The following FAM240B variants were observed in gnomAD, a reference collection of about 807,000 sequenced individuals.
FAM240B encodes family with sequence similarity 240 member B.
intron 1 of FAM240B, among the ~76,000 whole-genome samples, chr9:38,718,361 G>T (rs1262235247): frequency 6.6e-6 from 1 of 152,146 alleles, no homozygotes. Context: ...CTGCTGTCAC[G>T]GAAGTGTTGG....
rs148338852 is a variant in FAM240B at position 38,704,951 on chromosome 9, C to G, written c.-3-949G>C. Among the ~76,000 whole-genome samples, 488 of 152,352 alleles carry G rather than the reference C, an allele frequency of 3.2e-3. 6 individuals carry two copies. Among genetic ancestry groups the G allele is most frequent in the African/African-American group, 0.011 (457 of 41,588 alleles). ...CTTCTTTGCTCACACGAAGTGCCCA[C>G]TGCATTTGGAAATGGGTATGTCCGG... On this transcript the variant is annotated intron_variant, in intron 1 of 2. Coordinates refer to ENST00000637493, the MANE Select transcript of FAM240B (RefSeq NM_001394922.1).
At chr9:38,697,561 A>G (rs754267857) in intron 2 of FAM240B, among the ~76,000 whole-genome samples, 8 of 152,188 alleles carry the variant, frequency 5.3e-5, no homozygotes, top group Non-Finnish European at 1.2e-4. Flanking sequence ...ACCAATTATT[A>G]ACTTTTCAGG....
rs1011049891 is a variant in FAM240B at position 38,700,965 on chromosome 9, C to T, written c.143+2892G>A. ...CTGGAACAACATCTTGCCAGATTAG[C>T]CCAGCAGAGGGAGAGGAACGTAAGA... On this transcript the variant is annotated intron_variant, in intron 2 of 2. Coordinates refer to ENST00000637493, the MANE Select transcript of FAM240B (RefSeq NM_001394922.1). Among the ~76,000 whole-genome samples the T allele has an allele frequency of 6.4e-4, 98 of 152,326 alleles. 1 individual carries two copies. The highest frequency in any genetic ancestry group is 2.3e-3 in the African/African-American group (94 of 41,572).
chr9:38,702,017 T>C (rs1299682224), intron 2 of FAM240B, among the ~76,000 whole-genome samples: 1 of 152,102 alleles, frequency 6.6e-6, no homozygotes, highest in African/African-American at 2.4e-5. Context: ...TATATAAAAG[T>C]TTTACTATCT....
intron 1 of FAM240B, among the ~76,000 whole-genome samples, chr9:38,707,751 G>A (rs563558693): frequency 1.7e-4 from 25 of 146,148 alleles, no homozygotes; most frequent in East Asian, 8.1e-4. Context: ...CTGAGGCAGC[G>A]CCACTGCACT....
chr9:38,696,772 C>T (rs552380826), intron 2 of FAM240B, among the ~76,000 whole-genome samples: 3 of 152,256 alleles, frequency 2.0e-5, no homozygotes, highest in South Asian at 2.1e-4. Flanking sequence ...CGAGATCGCA[C>T]CACTGCACTC....
chr9:38,707,615 AAAAAAAAAAAC>A (rs1395321054), intron 1 of FAM240B, among the ~76,000 whole-genome samples: 10 of 121,992 alleles, frequency 8.2e-5, no homozygotes, highest in South Asian at 2.3e-4. Flanking sequence ...AAAAAAAACA[AAAAAAAAAAAC>A]AAAAAAAAAA....
In FAM240B at chr9:38,703,880, A is replaced by G; in HGVS notation, c.120T>C (p.Arg40=). The change falls in exon 2 of 3, where the codon CGT becomes CGC. Residue 40 remains arginine (R), a synonymous_variant. Transcript: ENST00000637493. ...ACTTTTTCAGGGCGCTTCTTTCTTG[A>G]CGATCTTCCTCCAGTTCTCGGTAAA... ...QTFYRELEED[R]QERSALKKLR... is the part of the protein sequence containing the mutation. 2 of 400,406 alleles carry G rather than the reference A, an allele frequency of 5.0e-6. No individual in the cohort carries two copies. Among genetic ancestry groups the G allele is most frequent in the Non-Finnish European group, 8.8e-6 (2 of 226,076 alleles). The allele number at this position is 400,406 out of a possible 1,614,324, so 24.8% of individuals were successfully genotyped here.
At chr9:38,699,547 G>A (rs1184285475) in intron 2 of FAM240B, among the ~76,000 whole-genome samples, 4 of 152,186 alleles carry the variant, frequency 2.6e-5, no homozygotes, top group African/African-American at 9.7e-5. Context: ...AGCTGGGCTG[G>A]TGGGGAGTCC....
chr9:38,719,043 T>C (rs1821341876), intron 1 of FAM240B, among the ~76,000 whole-genome samples: 1 of 152,142 alleles, frequency 6.6e-6, no homozygotes, highest in African/African-American at 2.4e-5. Flanking sequence ...GCTCTAATAG[T>C]CAGGAAAAAA....
At chr9:38,700,471 A>T (rs1657045236) in intron 2 of FAM240B, among the ~76,000 whole-genome samples, 1 of 152,168 alleles carries the variant, frequency 6.6e-6, no homozygotes, top group African/African-American at 2.4e-5. Flanking sequence ...TCATATAAGC[A>T]CTGTCCAGTT....
At chr9:38,702,792 T>C (rs1055828366) in intron 2 of FAM240B, among the ~76,000 whole-genome samples, 2 of 152,206 alleles carry the variant, frequency 1.3e-5, no homozygotes, top group Non-Finnish European at 2.9e-5. Flanking sequence ...TTACACTAGT[T>C]TTTCGCACAT....
chr9:38,708,823 A>C (rs962673715), intron 1 of FAM240B, among the ~76,000 whole-genome samples: 2 of 152,166 alleles, frequency 1.3e-5, no homozygotes, highest in African/African-American at 4.8e-5. Flanking sequence ...TATACGTGAT[A>C]TCAAATGCTT....
At chr9:38,701,441 C>T (rs1294458739) in intron 2 of FAM240B, among the ~76,000 whole-genome samples, 2 of 152,124 alleles carry the variant, frequency 1.3e-5, no homozygotes, top group Non-Finnish European at 2.9e-5. Context: ...GTTTGCTTTG[C>T]TTTTTTGTTC....
intron 1 of FAM240B, among the ~76,000 whole-genome samples, chr9:38,717,657 AT>A (rs528627931): frequency 0.013 from 1,933 of 151,278 alleles, 36 homozygotes; most frequent in African/African-American, 0.044. Flanking sequence ...ATTTTTTTGT[AT>A]TTTTTAGTAG....
chr9:38,704,102 C>A, intron 1 of FAM240B, 100 bp from the exon 2 acceptor site: 4 of 362,318 alleles, frequency 1.1e-5, no homozygotes, highest in African/African-American at 2.2e-5. Flanking sequence ...CTGCCATTTA[C>A]ACTTGTTTTT....
intron 1 of FAM240B, among the ~76,000 whole-genome samples, chr9:38,716,042 C>A (rs988759654): frequency 4.6e-5 from 7 of 152,160 alleles, no homozygotes; most frequent in Non-Finnish European, 1.0e-4. Context: ...CACAGAGATG[C>A]TCCTGGGTTT....
chr9:38,700,711 C>A (rs930794810), intron 2 of FAM240B, among the ~76,000 whole-genome samples: 3 of 152,234 alleles, frequency 2.0e-5, no homozygotes, highest in Non-Finnish European at 4.4e-5. Context: ...TTTCTAACTT[C>A]TTTGGGGGAC....
intron 2 of FAM240B, among the ~76,000 whole-genome samples, chr9:38,703,288 T>C (rs771534015): frequency 6.6e-6 from 1 of 152,210 alleles, no homozygotes; most frequent in Admixed American, 6.5e-5. Context: ...ATTTTAGAGA[T>C]AGCAAAAGGC....
Sources: allele counts gnomAD v4.1 joint callset (sites outside exome capture counted in the v4.1 genomes callset), GRCh38; gene constraint gnomAD v4.1.1; transcripts MANE v1.5; gene names NCBI Gene and HGNC (gene_info 2026-07-23, HGNC 2026-07-21).